YAF2: variants seen among roughly 807,000 people sequenced by gnomAD.
The protein encoded by YAF2 is YY1 associated factor 2, also known as YY1-associated factor 2.
Under a neutral mutation model 20.1 loss-of-function variants are expected in YAF2, and 7 were observed. The ratio of observed to expected loss-of-function variants is 0.35; its 90% CI spans 0.20 to 0.65. YAF2 has a LOEUF of 0.65. Ranked by LOEUF, YAF2 falls within the 30% of genes least tolerant of loss-of-function variation. The pLI, the probability that YAF2 is intolerant of heterozygous loss-of-function variation, is 0.69. For synonymous variants in YAF2, 74 were observed against 76.0 expected (o/e 0.97, Z 0.14); for missense variants, 151 against 219.2 (o/e 0.69, Z 1.96).
intron 2 of YAF2, among the ~76,000 whole-genome samples, chr12:42,208,881 T>C (rs2067126223): frequency 6.6e-6 from 1 of 152,192 alleles, no homozygotes; most frequent in Admixed American, 6.6e-5. Flanking sequence ...TGGAATTGGA[T>C]AGCAGGAGGC....
intron 2 of YAF2, among the ~76,000 whole-genome samples, chr12:42,230,581 T>C (rs1482035906): frequency 6.6e-6 from 1 of 152,176 alleles, no homozygotes; most frequent in African/African-American, 2.4e-5. Flanking sequence ...ATTTGTCCAA[T>C]AGTTCATGAC....
chr12:42,185,082 G>A (rs1302433590), intron 2 of YAF2, among the ~76,000 whole-genome samples: 3 of 152,220 alleles, frequency 2.0e-5, no homozygotes, highest in Admixed American at 1.3e-4. Flanking sequence ...GGAAGCTGAG[G>A]TAGGAGGATG....
chr12:42,190,273 A>G (rs914521989), intron 2 of YAF2, among the ~76,000 whole-genome samples: 2 of 152,176 alleles, frequency 1.3e-5, no homozygotes, highest in African/African-American at 2.4e-5. Context: ...GAGCCTGGGA[A>G]GCAGAAGGTG....
intron 2 of YAF2, among the ~76,000 whole-genome samples, chr12:42,218,185 A>AAACACACACACAC (rs1555162626): frequency 1.0e-4 from 14 of 140,698 alleles, no homozygotes; most frequent in South Asian, 2.4e-4. Flanking sequence ...GCTACTAGGA[A>AAACACACACACAC]ACACACACAC....
At chr12:42,205,145 C>G (rs1408732371) in intron 2 of YAF2, among the ~76,000 whole-genome samples, 1 of 148,756 alleles carries the variant, frequency 6.7e-6, no homozygotes. Flanking sequence ...CTTGTATAGA[C>G]AAATTTGAAA....
At chr12:42,195,607 T>C (rs2066728836) in intron 2 of YAF2, among the ~76,000 whole-genome samples, 1 of 152,120 alleles carries the variant, frequency 6.6e-6, no homozygotes, top group African/African-American at 2.4e-5. Flanking sequence ...TAAAAGAGCT[T>C]AGAGAAATGA....
At chr12:42,237,758 G>C in intron 1 of YAF2, 34 bp from the exon 2 acceptor site, 2 of 1,469,342 alleles carry the variant, frequency 1.4e-6, no homozygotes, top group Non-Finnish European at 9.0e-7. Context: ...ACGCGGCGCG[G>C]GGTCACCAGC....
intron 2 of YAF2, 109 bp from the exon 3 acceptor site, chr12:42,161,874 A>C: frequency 9.6e-7 from 1 of 1,037,512 alleles, no homozygotes; most frequent in Non-Finnish European, 1.4e-6. Flanking sequence ...ATAACTTTCA[A>C]GTATAAAAAT....
At chr12:42,232,628 G>A in intron 2 of YAF2, 1 of 985,400 alleles carries the variant, frequency 1.0e-6, no homozygotes, top group Non-Finnish European at 1.2e-6. Flanking sequence ...AAGGACTTAT[G>A]TAGATGGTCC....
intron 2 of YAF2, among the ~76,000 whole-genome samples, chr12:42,174,215 C>G (rs948241954): frequency 1.3e-5 from 2 of 151,916 alleles, no homozygotes; most frequent in African/African-American, 4.8e-5. Flanking sequence ...TATACTTTTC[C>G]CACTCTCTCT....
chr12:42,169,405 CTCTT>C (rs1298277556), intron 2 of YAF2, among the ~76,000 whole-genome samples: 1 of 152,022 alleles, frequency 6.6e-6, no homozygotes, highest in Non-Finnish European at 1.5e-5. Flanking sequence ...TTAATCTCTT[CTCTT>C]TAATTTTTCT....
intron 2 of YAF2, among the ~76,000 whole-genome samples, chr12:42,236,810 C>T (rs2068174866): frequency 6.6e-6 from 1 of 152,132 alleles, no homozygotes. Context: ...AATCAAGGAG[C>T]TCGATAACTA....
chr12:42,223,558 C>T (rs181289932), intron 2 of YAF2, among the ~76,000 whole-genome samples: 11 of 152,174 alleles, frequency 7.2e-5, no homozygotes, highest in Admixed American at 3.9e-4. Context: ...GACAGGGTCT[C>T]GCTATGTTGC....
intron 2 of YAF2, among the ~76,000 whole-genome samples, chr12:42,236,448 A>AT (rs1252832014): frequency 7.9e-5 from 12 of 152,270 alleles, no homozygotes; most frequent in Non-Finnish European, 1.6e-4. Context: ...TACAAAAAGC[A>AT]TATGATGATT....
rs1432575376 is a variant in YAF2, at chr12:42,160,412, T to C, written c.*177A>G. On this transcript the variant is annotated 3_prime_UTR_variant, in exon 4 of 4. Transcript: ENST00000534854. ...ACCAAAATGTTAAGTCTGGAAATGTTTGGTAGGCATCATTGCAATAAAATC... is the reference window on the plus strand; with the variant it reads ...ACCAAAATGTTAAGTCTGGAAATGTCTGGTAGGCATCATTGCAATAAAATC... The C allele has an allele frequency of 5.5e-5, 32 of 585,160 alleles. No individual in the cohort carries two copies. The East Asian group carries it at 8.6e-4, about 16-fold the overall frequency. 36.2% of individuals were successfully genotyped at this position (585,160 alleles called of 1,614,324 possible).
At chr12:42,230,419 G>A (rs937901361) in intron 2 of YAF2, among the ~76,000 whole-genome samples, 4 of 152,126 alleles carry the variant, frequency 2.6e-5, no homozygotes, top group African/African-American at 7.2e-5. Context: ...TATTATTATG[G>A]CCTTGAACAC....
At chr12:42,201,874 G>C (rs886808988) in intron 2 of YAF2, among the ~76,000 whole-genome samples, 10 of 152,098 alleles carry the variant, frequency 6.6e-5, no homozygotes, top group Non-Finnish European at 1.3e-4. Flanking sequence ...CACCCAGCCT[G>C]ATGTCTTTTA....
intron 2 of YAF2, among the ~76,000 whole-genome samples, chr12:42,228,480 G>A (rs1271025643): frequency 3.5e-5 from 2 of 57,098 alleles, no homozygotes; most frequent in Non-Finnish European, 6.3e-5. Flanking sequence ...GAGGTGGGGG[G>A]GGGGGGTCAG....
chr12:42,184,085 G>C (rs1374481296), intron 2 of YAF2, among the ~76,000 whole-genome samples: 2 of 152,176 alleles, frequency 1.3e-5, no homozygotes, highest in African/African-American at 4.8e-5. Context: ...TCACCGTTAA[G>C]ACCTGAATTT....
Sources: gnomAD v4.1 joint callset for allele counts (sites outside exome capture counted in the v4.1 genomes callset) on GRCh38, gnomAD v4.1.1 for gene constraint, MANE v1.5 for transcripts, NCBI Gene and HGNC (gene_info 2026-07-23, HGNC 2026-07-21) for gene names.